MVD: variants seen among roughly 807,000 people sequenced by gnomAD.
MVD encodes the protein mevalonate diphosphate decarboxylase.
A neutral mutation model predicts 42.4 loss-of-function variants in MVD; 52 were observed. That is an observed-to-expected ratio of 1.23 (90% CI 0.98 to 1.55). The LOEUF (loss-of-function observed/expected upper bound fraction) is 1.55. Among genes scored for constraint, MVD ranks in the 40% most tolerant of loss-of-function variants. The pLI, the probability that MVD is intolerant of heterozygous loss-of-function variation, is 0.00. For missense variants in MVD, 663 were observed against 572.1 expected, an observed-to-expected ratio of 1.16 and a Z score of -1.62; for synonymous variants, 287 against 243.2, an observed-to-expected ratio of 1.18 and a Z score of -1.68.
intron 4 of MVD, chr16:88,656,602 G>T (rs1243204198): frequency 9.8e-6 from 5 of 511,152 alleles, no homozygotes; most frequent in Non-Finnish European, 1.8e-5. Flanking sequence ...CGGGAGAAAG[G>T]CCCCCGAGGA....
At position 88,658,021 on chromosome 16, in the gene MVD, G is replaced by A; in HGVS notation, c.150C>T (p.Thr50=). The A allele has an allele frequency of 6.2e-7, 1 of 1,614,030 alleles. No individual in the cohort carries two copies. The highest frequency in any genetic ancestry group is 8.5e-7 in the Non-Finnish European group (1 of 1,180,022). Residue 50 remains threonine (T), a synonymous_variant, in exon 3 of 10, where the codon ACC becomes ACT. Transcript: ENST00000301012. Reference sequence around the variant, plus strand: ...CCTTGCTGATGACGGCTGTTGTGGTGGTTTTTAACTGAAAAGGAAACCCAG... The same window carrying A: ...CCTTGCTGATGACGGCTGTTGTGGTAGTTTTTAACTGAAAAGGAAACCCAG... ...SVTLHQDQLK[T]TTTAVISKDF...
At position 88,655,100 on chromosome 16, in the gene MVD, T is replaced by A. The variant is rs554360576; in HGVS notation, c.897+99A>T. 1.5e-4 allele frequency: 208 copies of A among 1,343,968 alleles called. 1 individual carries two copies. Among genetic ancestry groups the A allele is most frequent in the South Asian group, 1.0e-3 (80 of 79,238 alleles). The allele number at this position is 1,343,968 out of a possible 1,614,324, so 83.3% of individuals were successfully genotyped here. On this transcript the variant is annotated intron_variant, in intron 7 of 9. Transcript: ENST00000301012. ...GCAGGGTGGAGCTTTCAGACACAGA[T>A]TGCCCTGCACGCGAGCCCCGGGGCC...
chr16:88,655,279 G>A lies in MVD; in HGVS notation c.817C>T (p.Pro273Ser). Residue 273 changes from proline (P) to serine (S), a missense_variant, in exon 7 of 10, where the codon CCC (proline) becomes TCC (serine). Coordinates refer to ENST00000301012, the MANE Select transcript of MVD (RefSeq NM_002461.3). ...GAGATGGCATTGAGGTAAGAGATGG[G>A]CGGGAAGGTGTCGAGGCAGGTGGCG... ...FHATCLDTFP[P>S]ISYLNAISWR... is the part of the protein sequence containing the mutation. 1 of 1,591,748 alleles carries A rather than the reference G, an allele frequency of 6.3e-7. No homozygotes were observed. Among genetic ancestry groups the A allele is most frequent in the Non-Finnish European group, 8.6e-7 (1 of 1,169,260 alleles).
At chr16:88,655,932 G>A (rs891680780) in intron 5 of MVD, 173 bp downstream of exon 5, 15 of 1,123,316 alleles carry the variant, frequency 1.3e-5, no homozygotes, top group Admixed American at 2.6e-5. Context: ...GGTGGCGCCC[G>A]CCGCATGGGA....
At chr16:88,657,216 G>C (rs1907988469) in intron 4 of MVD, 2 of 731,620 alleles carry the variant, frequency 2.7e-6, no homozygotes, top group South Asian at 3.0e-5. Flanking sequence ...TAAGTACTGG[G>C]ATTACAGGCG....
chr16:88,659,715 C>G (rs1908170352), intron 1 of MVD, among the ~76,000 whole-genome samples: 1 of 152,172 alleles, frequency 6.6e-6, no homozygotes, highest in Non-Finnish European at 1.5e-5. Context: ...CCTGTAATCC[C>G]AGCACTTTGG....
intron 1 of MVD, among the ~76,000 whole-genome samples, chr16:88,662,352 C>G (rs1037044178): frequency 2.0e-5 from 3 of 152,226 alleles, no homozygotes; most frequent in Admixed American, 2.0e-4. Flanking sequence ...TCAAAAGATA[C>G]TGGGTGGGCC....
intron 1 of MVD, chr16:88,659,038 C>A: frequency 5.2e-6 from 2 of 383,566 alleles, no homozygotes; most frequent in South Asian, 2.4e-5. Flanking sequence ...CTCCCCTCCA[C>A]CTTCCCAAAC....
Position 88,657,471 on chromosome 16 carries a change from C to T in MVD, c.368G>A (p.Gly123Asp), listed in dbSNP as rs759042018. 1 of 1,612,064 alleles carries T rather than the reference C, an allele frequency of 6.2e-7. No individual in the cohort carries two copies. Among genetic ancestry groups the T allele is most frequent in the South Asian group, 1.1e-5 (1 of 90,940 alleles). The change falls in exon 4 of 10, where the codon GGC (glycine) becomes GAC (aspartate). Residue 123 changes from glycine to aspartate, a missense_variant. By Grantham distance (94) the Gly-to-Asp change is moderately conservative. Transcript: ENST00000301012. ...ASVNNFPTAA[G>D]LASSAAGYAC... ...ATAGCCCGCCGCTGAGGAGGCCAGG[C>T]CCGCAGCCGTGGGGAAGTTGTTCAC...
chr16:88,656,563 T>G, intron 4 of MVD: 14 of 557,020 alleles, frequency 2.5e-5, no homozygotes, highest in East Asian at 9.0e-5. Context: ...AAAAGGTACC[T>G]GCGGCAGAGC....
chr16:88,662,679 C>G lies in MVD; in HGVS notation c.70+332G>C, dbSNP rs775394810. ...GCCTCAGCCTCCCGAGTAGCTGGAG[C>G]CACAAACGCGCACCACCACGGCGGA... is the stretch of plus-strand genomic sequence containing the variant. On this transcript the variant is annotated intron_variant, in intron 1 of 9. Coordinates refer to ENST00000301012, the MANE Select transcript of MVD (RefSeq NM_002461.3). 2.1e-4 allele frequency: 277 copies of G among 1,328,406 alleles called. 1 individual carries two copies. In the South Asian group the frequency reaches 2.2e-3, roughly 11 times the overall value. 82.3% of individuals were successfully genotyped at this position (1,328,406 alleles called of 1,614,324 possible).
intron 1 of MVD, chr16:88,662,137 C>CA (rs1452824221): frequency 1.3e-5 from 2 of 151,828 alleles, no homozygotes; most frequent in Non-Finnish European, 2.9e-5. Flanking sequence ...AAGGGAAACA[C>CA]AAAAAAATTA....
intron 8 of MVD, among the ~76,000 whole-genome samples, chr16:88,654,461 C>T (rs7201080): frequency 1.3e-5 from 2 of 152,194 alleles, no homozygotes; most frequent in African/African-American, 4.8e-5. Flanking sequence ...AGGTGGGAGA[C>T]CCTGGGCGTT....
At position 88,656,155 on chromosome 16, in the gene MVD, G is replaced by A. The variant is rs777354695; in HGVS notation, c.553C>T (p.Gln185Ter). ...QADGKDSIAR[Q>*]VAPESHWPEL... is the part of the protein sequence containing the mutation. ...GGCCAGTGTGACTCGGGGGCCACTT[G>A]CCGAGCGATGCTGTCCTTCCCGTCG... is the stretch of plus-strand genomic sequence containing the variant. The change falls in exon 5 of 10, where the codon CAA (glutamine) becomes TAA (stop). Residue 185 changes from glutamine (Q) to a stop codon, truncating the protein, a stop_gained. Coordinates refer to ENST00000301012, the MANE Select transcript of MVD (RefSeq NM_002461.3). LOFTEE classifies it high-confidence loss of function. 5.0e-6 allele frequency: 8 copies of A among 1,601,998 alleles called. No homozygotes were observed. The highest frequency in any genetic ancestry group is 6.8e-6 in the Non-Finnish European group (8 of 1,179,908).
Position 88,652,282 on chromosome 16 carries a change from T to C in MVD, c.*243A>G. On this transcript the variant is annotated 3_prime_UTR_variant, in exon 10 of 10. Coordinates refer to ENST00000301012, the MANE Select transcript of MVD (RefSeq NM_002461.3). ...AGGCTCTGCCAGTTCTCATACCCCC[T>C]CCCCATCCCATCTTGGCAAAGCGCT... 1.7e-6 allele frequency: 1 copy of C among 596,160 alleles called. No individual in the cohort carries two copies. The highest frequency in any genetic ancestry group is 3.0e-6 in the Non-Finnish European group (1 of 332,048). 36.9% of individuals were successfully genotyped at this position (596,160 alleles called of 1,614,324 possible).
intron 5 of MVD, 118 bp from the exon 6 acceptor site, chr16:88,655,848 C>T: frequency 7.8e-7 from 1 of 1,280,340 alleles, no homozygotes; most frequent in Non-Finnish European, 1.1e-6. Context: ...GGAGTCAGTG[C>T]CACCTGCCTG....
rs148525609 is a variant in MVD at position 88,659,058 on chromosome 16, C to G, written c.71-338G>C. 279 of 359,728 alleles carry G rather than the reference C, an allele frequency of 7.8e-4. 5 individuals are homozygous for G. In the East Asian group the frequency reaches 0.015, roughly 19 times the overall value. 22.3% of individuals were successfully genotyped at this position (359,728 alleles called of 1,614,324 possible). The stretch of plus-strand genomic sequence containing the variant: ...CTCCACCTTCCCAAACAAAAGGAGC[C>G]CAGCTCTGAGAACTCCTCACATCTC... On this transcript the variant is annotated intron_variant, in intron 1 of 9. Coordinates refer to ENST00000301012, the MANE Select transcript of MVD (RefSeq NM_002461.3).
chr16:88,662,987 C>T (rs749369991), intron 1 of MVD, 24 bp downstream of exon 1: 13 of 1,587,486 alleles, frequency 8.2e-6, no homozygotes, highest in Middle Eastern at 1.7e-4. Flanking sequence ...CCATCCCCGT[C>T]CCAGGCCGGC....
chr16:88,656,659 G>A (rs1026328820), intron 4 of MVD: 6 of 387,448 alleles, frequency 1.5e-5, no homozygotes, highest in African/African-American at 1.0e-4. Context: ...AAGGCTGTGT[G>A]GGGCAGGGAC....
Sources: gnomAD v4.1 joint callset for allele counts (sites outside exome capture counted in the v4.1 genomes callset) on GRCh38, gnomAD v4.1.1 for gene constraint, MANE v1.5 for transcripts, NCBI Gene and HGNC (gene_info 2026-07-23, HGNC 2026-07-21) for gene names.